The following CNOT1 variants were observed in gnomAD, a reference collection of about 807,000 sequenced individuals.
The protein encoded by CNOT1 is CCR4-associated factor 1.
CNOT1 carries 15 observed loss-of-function variants against 273.8 expected under a neutral mutation model. The observed-to-expected ratio is 0.05, with a 90% CI of 0.04 to 0.08. CNOT1 has a LOEUF of 0.08. Ranked by LOEUF, CNOT1 falls within the 10% of genes least tolerant of loss-of-function variation. The pLI, the probability that CNOT1 is intolerant of heterozygous loss-of-function variation, is 1.00. For missense variants in CNOT1, 1,644 were observed against 2,912.2 expected (o/e 0.56, Z 10.02); for synonymous variants, 1,022 against 1,005.5 (o/e 1.02, Z -0.31).
chr16:58,617,766 G>A (rs1314453752), intron 1 of CNOT1, among the ~76,000 whole-genome samples: 2 of 152,152 alleles, frequency 1.3e-5, no homozygotes, highest in Non-Finnish European at 2.9e-5. Context: ...AGGACTTTGG[G>A]AGGCTGAGTC....
chr16:58,568,335 T>G (rs994396863), intron 16 of CNOT1, among the ~76,000 whole-genome samples: 3 of 149,306 alleles, frequency 2.0e-5, no homozygotes, highest in African/African-American at 7.4e-5. Context: ...GCCACTGCAC[T>G]CCAGGCTGGG....
At position 58,576,540 on chromosome 16, in the gene CNOT1, C is replaced by T; in HGVS notation, c.1627G>A (p.Ala543Thr). ...SIRQLIMHAM[A>T]EWYMRGEQYD... The stretch of plus-strand genomic sequence containing the variant: ...TGCTCCCCTCTCATGTACCATTCTG[C>T]CATTGCATGCATGATAAGTTGGCGA... The change falls in exon 14 of 49, where the codon GCA becomes ACA. Residue 543 changes from alanine to threonine, a missense_variant. Ala to Thr is a moderately conservative substitution (Grantham distance 58, BLOSUM62 0). Transcript: ENST00000317147. 6.2e-7 allele frequency: 1 copy of T among 1,614,188 alleles called. No individual in the cohort carries two copies. The highest frequency in any genetic ancestry group is 8.5e-7 in the Non-Finnish European group (1 of 1,180,038).
chr16:58,596,001 G>C (rs1419606758), intron 2 of CNOT1, among the ~76,000 whole-genome samples: 1 of 152,218 alleles, frequency 6.6e-6, no homozygotes, highest in Non-Finnish European at 1.5e-5. Context: ...TTTCTTTTGG[G>C]ATGAAGGTAC....
At chr16:58,530,938 A>C (rs1022714384) in intron 42 of CNOT1, among the ~76,000 whole-genome samples, 2 of 152,334 alleles carry the variant, frequency 1.3e-5, no homozygotes, top group Non-Finnish European at 2.9e-5. Flanking sequence ...GCAAAATTTA[A>C]AAAGGGAGAG....
At chr16:58,559,307 G>T (rs1306617298) in intron 17 of CNOT1, among the ~76,000 whole-genome samples, 1 of 152,086 alleles carries the variant, frequency 6.6e-6, no homozygotes, top group Non-Finnish European at 1.5e-5. Flanking sequence ...CACTTAAGAT[G>T]AACTGCCCTA....
At chr16:58,540,536 T>TA (rs1311423734) in intron 34 of CNOT1, among the ~76,000 whole-genome samples, 6 of 152,322 alleles carry the variant, frequency 3.9e-5, no homozygotes. Flanking sequence ...CTGAGTTACC[T>TA]ACACCAGCTA....
At chr16:58,594,114 C>T (rs560749216) in intron 2 of CNOT1, among the ~76,000 whole-genome samples, 244 of 152,208 alleles carry the variant, frequency 1.6e-3, no homozygotes, top group African/African-American at 5.4e-3. Context: ...TGTGGTGGCG[C>T]AGGCCTGTAA....
Position 58,561,959 on chromosome 16 carries a change from G to A in CNOT1, c.1980-1597C>T, listed in dbSNP as rs376796844. Among the ~76,000 whole-genome samples the A allele has an allele frequency of 9.9e-5, 15 of 152,242 alleles. No individual in the cohort carries two copies. In the East Asian group the frequency reaches 2.9e-3, roughly 29 times the overall value. ...GGAGGCTGAGGCAGGCAGATCACCTGAAGTCAGAAACTCAGGTCAGAAGCT... is the reference window on the plus strand; with the variant it reads ...GGAGGCTGAGGCAGGCAGATCACCTAAAGTCAGAAACTCAGGTCAGAAGCT... On this transcript the variant is annotated intron_variant, in intron 16 of 48. Coordinates refer to ENST00000317147, the MANE Select transcript of CNOT1 (RefSeq NM_016284.5).
intron 1 of CNOT1, among the ~76,000 whole-genome samples, chr16:58,617,098 C>T (rs1437770543): frequency 5.3e-5 from 8 of 152,160 alleles, no homozygotes; most frequent in Admixed American, 2.0e-4. Flanking sequence ...GCAGGGCTCA[C>T]GGCTGTAATG....
intron 1 of CNOT1, among the ~76,000 whole-genome samples, chr16:58,603,060 G>A (rs1028429454): frequency 8.5e-5 from 13 of 152,064 alleles, no homozygotes; most frequent in Admixed American, 4.6e-4. Flanking sequence ...TTTTGGCTCC[G>A]CCTATAAAAT....
chr16:58,575,104 G>A lies in CNOT1; in HGVS notation c.1730C>T (p.Thr577Ile). The change falls in exon 15 of 49, where the codon ACT (threonine) becomes ATT (isoleucine). Residue 577 changes from threonine (T) to isoleucine (I), a missense_variant. This residue lies in a region of CNOT1 where 706 missense variants were observed against 1,021.2 expected (regional missense o/e 0.69). Coordinates refer to ENST00000317147, the MANE Select transcript of CNOT1 (RefSeq NM_016284.5). ...LKALSMLLNG[T>I]PFAFVIDLAA... is the part of the protein sequence containing the mutation. ...AAGGTCAATAACAAAGGCAAATGGA[G>A]TACCATTTAGCAGCATTGACAAGGC... 6.2e-7 allele frequency: 1 copy of A among 1,614,010 alleles called. No homozygotes were observed. The highest frequency in any genetic ancestry group is 1.1e-5 in the South Asian group (1 of 91,066).
chr16:58,543,450 C>A (rs1244698351), intron 31 of CNOT1, 157 bp downstream of exon 31: 3 of 1,490,166 alleles, frequency 2.0e-6, no homozygotes, highest in East Asian at 2.5e-5. Context: ...CTTTGCCTCA[C>A]AGAATTACAA....
chr16:58,586,579 T>C lies in CNOT1; in HGVS notation c.603A>G (p.Glu201=). The C allele has an allele frequency of 6.2e-7, 1 of 1,611,950 alleles. No homozygotes were observed. Among genetic ancestry groups the C allele is most frequent in the Non-Finnish European group, 8.5e-7 (1 of 1,179,536 alleles). ...GCGTCTTAAGAAAAGCGTCTATCTGTTCTTGTCCAACTCCAAAGGCTCCCT... is the reference window on the plus strand; with the variant it reads ...GCGTCTTAAGAAAAGCGTCTATCTGCTCTTGTCCAACTCCAAAGGCTCCCT... ...GQKGAFGVGQ[E]QIDAFLKTLR... Residue 201 remains glutamate, a synonymous_variant, in exon 7 of 49, where the codon GAA becomes GAG. Transcript: ENST00000317147.
chr16:58,530,444 G>C, intron 42 of CNOT1, 97 bp from the exon 43 acceptor site: 1 of 760,512 alleles, frequency 1.3e-6, no homozygotes, highest in Non-Finnish European at 2.1e-6. Context: ...TCTTCTTCAT[G>C]CTAATATAAG....
chr16:58,546,260 G>A, intron 29 of CNOT1, 61 bp downstream of exon 29: 1 of 1,399,438 alleles, frequency 7.1e-7, no homozygotes, highest in Non-Finnish European at 1.0e-6. Context: ...ACATGGACAA[G>A]TACCATTTAA....
intron 1 of CNOT1, among the ~76,000 whole-genome samples, chr16:58,629,102 TAGC>T (rs1057210105): frequency 3.9e-5 from 6 of 152,220 alleles, no homozygotes; most frequent in Non-Finnish European, 8.8e-5. Flanking sequence ...ACAAAACCTG[TAGC>T]AAGTAATAAG....
At chr16:58,546,600 C>A in intron 28 of CNOT1, 72 bp downstream of exon 28, 1 of 1,610,538 alleles carries the variant, frequency 6.2e-7, no homozygotes, top group African/African-American at 1.3e-5. Context: ...CCCGAAATAC[C>A]CTGCCTTCAC....
chr16:58,556,352 C>A (rs965382347), intron 19 of CNOT1, among the ~76,000 whole-genome samples: 2 of 152,204 alleles, frequency 1.3e-5, no homozygotes, highest in African/African-American at 4.8e-5. Flanking sequence ...ATCAAGTCAG[C>A]TGGAATACTT....
chr16:58,622,307 GTA>G (rs2043366431), intron 1 of CNOT1, among the ~76,000 whole-genome samples: 1 of 114,446 alleles, frequency 8.7e-6, no homozygotes, highest in Admixed American at 1.3e-4. Context: ...GAGCGAGACT[GTA>G]TCTCAAAAAA....
Sources: gnomAD v4.1 joint callset for allele counts (sites outside exome capture counted in the v4.1 genomes callset) on GRCh38, gnomAD v4.1.1 for gene constraint, gnomAD v4.1.1 regional missense constraint, MANE v1.5 for transcripts, NCBI Gene and HGNC (gene_info 2026-07-23, HGNC 2026-07-21) for gene names.